The following MED27 variants were observed in gnomAD, a reference collection of about 807,000 sequenced individuals.
MED27 encodes the protein mediator complex subunit 27, also known as mediator of RNA polymerase II transcription subunit 27.
A neutral mutation model predicts 38.2 loss-of-function variants in MED27; 30 were observed. The observed-to-expected ratio is 0.79, with a 90% CI of 0.59 to 1.07. The LOEUF is 1.07. Among genes scored for constraint, MED27 ranks in the 50% least tolerant of loss-of-function variants. The pLI is 0.00. For synonymous variants in MED27, 122 were observed against 153.5 expected (o/e 0.79, Z 1.52); for missense variants, 289 against 397.5 (o/e 0.73, Z 2.32).
intron 3 of MED27, among the ~76,000 whole-genome samples, chr9:131,957,030 T>C (rs917455177): frequency 6.6e-6 from 1 of 152,146 alleles, no homozygotes; most frequent in Non-Finnish European, 1.5e-5. Context: ...GAACTGGCAA[T>C]ATGAAATGTC....
At chr9:131,881,976 G>T (rs1015411827) in intron 6 of MED27, among the ~76,000 whole-genome samples, 3 of 151,558 alleles carry the variant, frequency 2.0e-5, no homozygotes, top group African/African-American at 7.3e-5. Flanking sequence ...GGCTGGTCTC[G>T]AACTCCTGAC....
rs932071719 is a variant in MED27 at position 131,872,457 on chromosome 9, G to A, written c.724-9317C>T. On this transcript the variant is annotated intron_variant, in intron 6 of 7. Transcript: ENST00000292035. The surrounding 1 kb of genome is among the most constrained non-coding windows in gnomAD (Gnocchi z 5.6). ...AGTTGCTTATTTAAAAGAGAAGCCT[G>A]GTAGGGACCCAGACTGTGGCTTCCC... Among the ~76,000 whole-genome samples the A allele has an allele frequency of 6.6e-5, 10 of 152,242 alleles. No homozygotes were observed. The highest frequency in any genetic ancestry group is 1.3e-4 in the Admixed American group (2 of 15,284).
Position 132,014,382 on chromosome 9 carries a change from T to C in MED27, c.434A>G (p.Lys145Arg). 6.2e-7 allele frequency: 1 copy of C among 1,613,352 alleles called. No homozygotes were observed. The highest frequency in any genetic ancestry group is 1.1e-5 in the South Asian group (1 of 91,054). ...RSANQMGVSA[K>R]RRPKAQPTTL... Reference sequence around the variant, plus strand: ...TGTGGGCTGAGCCTTTGGTCTACGTTTGGCAGATACTCCCATCTGATTAGC... The same window carrying C: ...TGTGGGCTGAGCCTTTGGTCTACGTCTGGCAGATACTCCCATCTGATTAGC... The change falls in exon 3 of 8, where the codon AAA becomes AGA. Residue 145 changes from lysine to arginine, a missense_variant. By Grantham distance (26) the Lys-to-Arg change is conservative. Coordinates refer to ENST00000292035, the MANE Select transcript of MED27 (RefSeq NM_004269.4).
At chr9:132,015,703 T>C (rs1221983351) in intron 2 of MED27, among the ~76,000 whole-genome samples, 1 of 152,228 alleles carries the variant, frequency 6.6e-6, no homozygotes, top group Non-Finnish European at 1.5e-5. Flanking sequence ...AAATGAAGTT[T>C]ATATCCAATT....
Position 132,003,495 on chromosome 9 carries a change from G to A in MED27, c.479+10842C>T, listed in dbSNP as rs1240416656. Among the ~76,000 whole-genome samples the A allele has an allele frequency of 1.3e-5, 2 of 152,232 alleles. No homozygotes were observed. Among genetic ancestry groups the A allele is most frequent in the African/African-American group, 2.4e-5 (1 of 41,464 alleles). On this transcript the variant is annotated intron_variant, in intron 3 of 7. Transcript: ENST00000292035. This position sits in a 1 kb window ranked among gnomAD's most constrained non-coding sequence, Gnocchi z 4.2. ...AGACACTAAGGGCCACAAGGGGCAC[G>A]TGACAGTTGGGCCTGAAGGGTTGGC...
chr9:131,891,218 C>A (rs1239803995), intron 5 of MED27, among the ~76,000 whole-genome samples: 1 of 151,950 alleles, frequency 6.6e-6, no homozygotes, highest in Non-Finnish European at 1.5e-5. Context: ...ACAAAACGTG[C>A]AAATACGTGA....
At chr9:132,057,489 C>T (rs965633536) in intron 2 of MED27, among the ~76,000 whole-genome samples, 2 of 152,192 alleles carry the variant, frequency 1.3e-5, no homozygotes, top group Admixed American at 6.5e-5. Flanking sequence ...AGCTGGGCTG[C>T]GCAGGCCACA....
At chr9:132,027,550 G>C (rs889273735) in intron 2 of MED27, among the ~76,000 whole-genome samples, 1 of 152,216 alleles carries the variant, frequency 6.6e-6, no homozygotes, top group Admixed American at 6.5e-5. Context: ...AACAGAGGAA[G>C]GGCCAAGAAT....
At chr9:132,006,291 C>T (rs1832357106) in intron 3 of MED27, among the ~76,000 whole-genome samples, 2 of 152,208 alleles carry the variant, frequency 1.3e-5, no homozygotes, top group Non-Finnish European at 1.5e-5. Context: ...AAACGCTCTG[C>T]ATTTCCAAGG....
At chr9:132,074,039 A>C (rs1320798816) in intron 2 of MED27, among the ~76,000 whole-genome samples, 1 of 152,270 alleles carries the variant, frequency 6.6e-6, no homozygotes, top group Non-Finnish European at 1.5e-5. Flanking sequence ...GCATCTCTGA[A>C]CATAATAAGC....
intron 5 of MED27, among the ~76,000 whole-genome samples, chr9:131,886,222 C>T (rs1839137685): frequency 1.3e-5 from 2 of 152,160 alleles, no homozygotes; most frequent in African/African-American, 4.8e-5. Context: ...TCCCTGTTCA[C>T]AATTAGTTTC....
At chr9:131,963,909 G>A (rs1295196903) in intron 3 of MED27, among the ~76,000 whole-genome samples, 3 of 152,114 alleles carry the variant, frequency 2.0e-5, no homozygotes, top group Non-Finnish European at 4.4e-5. Context: ...CAGCACTTTC[G>A]GTTAGGCCTC....
chr9:132,038,175 G>A (rs187493687), intron 2 of MED27, among the ~76,000 whole-genome samples: 2 of 150,288 alleles, frequency 1.3e-5, no homozygotes, highest in Admixed American at 1.3e-4. Flanking sequence ...GCTAAAATGT[G>A]CCAGGCATCC....
intron 3 of MED27, among the ~76,000 whole-genome samples, chr9:132,002,448 A>C (rs543216748): frequency 2.6e-5 from 4 of 152,286 alleles, no homozygotes; most frequent in Admixed American, 1.3e-4. Flanking sequence ...ATGCATGCCT[A>C]TTCTCATGTT....
intron 4 of MED27, among the ~76,000 whole-genome samples, chr9:131,920,624 A>G (rs1276150193): frequency 6.6e-6 from 1 of 152,250 alleles, no homozygotes; most frequent in Non-Finnish European, 1.5e-5. Context: ...AAGTACAACG[A>G]AAGAAAATAA....
intron 4 of MED27, among the ~76,000 whole-genome samples, chr9:131,918,504 C>G (rs73658154): frequency 0.01 from 1,574 of 152,244 alleles, 26 homozygotes; most frequent in African/African-American, 0.036. Context: ...GAAATTAGTT[C>G]TAAGAAAAAA....
At chr9:132,031,332 C>T (rs890078197) in intron 2 of MED27, among the ~76,000 whole-genome samples, 2 of 152,214 alleles carry the variant, frequency 1.3e-5, no homozygotes, top group Non-Finnish European at 2.9e-5. Context: ...CTATAAAAAA[C>T]ATTTCATAGT....
At chr9:131,990,034 C>T (rs1325453483) in intron 3 of MED27, among the ~76,000 whole-genome samples, 2 of 152,146 alleles carry the variant, frequency 1.3e-5, no homozygotes, top group Non-Finnish European at 2.9e-5. Context: ...TTACACACCA[C>T]CTGGGCTGTT....
Position 131,883,984 on chromosome 9 carries a change from G to T in MED27, c.723+74C>A. The T allele has an allele frequency of 7.6e-7, 1 of 1,307,794 alleles. No individual in the cohort carries two copies. Among genetic ancestry groups the T allele is most frequent in the East Asian group, 2.4e-5 (1 of 42,168 alleles). 81.0% of individuals were successfully genotyped at this position (1,307,794 alleles called of 1,614,324 possible). A position where few individuals can be genotyped will look rare whatever the true frequency, so the allele number is the denominator to read the frequency against. ...ACTTTTTCAAAAGCCTCTGATTTGAGACCAATGTTTAAACCTCAAAGCATT... is the reference window on the plus strand; with the variant it reads ...ACTTTTTCAAAAGCCTCTGATTTGATACCAATGTTTAAACCTCAAAGCATT... On this transcript the variant is annotated intron_variant, in intron 6 of 7. Transcript: ENST00000292035. The surrounding 1 kb of genome is among the most constrained non-coding windows in gnomAD (Gnocchi z 4.2).
Sources: gnomAD v4.1 joint callset for allele counts (sites outside exome capture counted in the v4.1 genomes callset) on GRCh38, gnomAD v4.1.1 for gene constraint, Gnocchi (gnomAD v3.1) non-coding constraint, MANE v1.5 for transcripts, NCBI Gene and HGNC (gene_info 2026-07-23, HGNC 2026-07-21) for gene names.